PLA2G5: variants seen among roughly 807,000 people sequenced by gnomAD.
The protein encoded by PLA2G5 is Ca2+-dependent phospholipase A2.
Under a neutral mutation model 15.9 loss-of-function variants are expected in PLA2G5, and 12 were observed. The observed-to-expected ratio is 0.76, with a 90% CI of 0.48 to 1.23. The LOEUF is 1.23. PLA2G5 is among the 50% of genes most tolerant of loss of function. PLA2G5 has a pLI of 0.00. For synonymous variants in PLA2G5, 71 were observed against 71.4 expected, an observed-to-expected ratio of 0.99 and a Z score of 0.03; for missense variants, 169 against 177.1, an observed-to-expected ratio of 0.95 and a Z score of 0.26.
chr1:20,035,722 A>G (rs79987026), intron 1 of PLA2G5, among the ~76,000 whole-genome samples: 4 of 152,320 alleles, frequency 2.6e-5, no homozygotes, highest in South Asian at 2.1e-4. Context: ...TAAACATTCA[A>G]TGTGAGTATT....
chr1:20,073,270 A>G (rs1378265364), intron 1 of PLA2G5, among the ~76,000 whole-genome samples: 2 of 152,252 alleles, frequency 1.3e-5, no homozygotes, highest in African/African-American at 4.8e-5. Context: ...ATTTCTTAAG[A>G]GTGAACAGTT....
rs1022046785 is a variant in PLA2G5 at position 20,091,610 on chromosome 1, A to T, written c.*918A>T. 4.6e-5 allele frequency among the ~76,000 whole-genome samples: 7 copies of T among 152,280 alleles called. No homozygotes were observed. In the East Asian group the frequency reaches 1.4e-3, roughly 29 times the overall value. ...ATATGGAGAATGCTGAGGTTCTAGGATTTCACACAGCAGGAATTTTTTTTT... is the reference window on the plus strand; with the variant it reads ...ATATGGAGAATGCTGAGGTTCTAGGTTTTCACACAGCAGGAATTTTTTTTT... On this transcript the variant is annotated 3_prime_UTR_variant, in exon 5 of 5. Transcript: ENST00000375108.
rs1435072565 is a variant in PLA2G5 at position 20,084,868 on chromosome 1, G to A, written c.38G>A (p.Cys13Tyr). 6.2e-7 allele frequency: 1 copy of A among 1,607,354 alleles called. No individual in the cohort carries two copies. Among genetic ancestry groups the A allele is most frequent in the Non-Finnish European group, 8.5e-7 (1 of 1,173,922 alleles). Residue 13 changes from cysteine to tyrosine, a missense_variant and splice_region_variant, in exon 2 of 5, where the codon TGT becomes TAT. Physicochemically the swap from Cys to Tyr is radical, Grantham distance 194. Transcript: ENST00000375108. The part of the protein sequence containing the change: ...GLLPLAWFLA[C>Y]SVPAVQGGLL... ...CTCCCACTGGCTTGGTTCCTGGCTT[G>A]TAGTAAGTGCTGGCCCCGTGACCTT...
chr1:20,058,097 C>T (rs2014527151), intron 1 of PLA2G5, among the ~76,000 whole-genome samples: 1 of 152,114 alleles, frequency 6.6e-6, no homozygotes, highest in Admixed American at 6.6e-5. Flanking sequence ...AATGTGTATT[C>T]TACTGTTGTT....
chr1:20,071,308 T>C (rs515156), intron 1 of PLA2G5, among the ~76,000 whole-genome samples: 85,419 of 152,008 alleles, frequency 0.56, 24,119 homozygotes, highest in Middle Eastern at 0.71. Flanking sequence ...TTTCCTAGGA[T>C]CCAATCTGTG....
chr1:20,038,220 G>T (rs1048537449), intron 1 of PLA2G5, among the ~76,000 whole-genome samples: 9 of 152,088 alleles, frequency 5.9e-5, no homozygotes, highest in Non-Finnish European at 1.0e-4. Context: ...GCCCTTCCCT[G>T]ACTGCGGTGG....
upstream of PLA2G5, among the ~76,000 whole-genome samples, chr1:20,066,586 C>G (rs555428142): frequency 2.6e-5 from 4 of 152,298 alleles, no homozygotes; most frequent in East Asian, 7.7e-4. Flanking sequence ...ACGACTGCCT[C>G]CTATGAACTT....
At chr1:20,087,668 A>T (rs2100634543) in intron 3 of PLA2G5, among the ~76,000 whole-genome samples, 1 of 152,302 alleles carries the variant, frequency 6.6e-6, no homozygotes, top group East Asian at 1.9e-4. Flanking sequence ...CTTCAATAGA[A>T]GGCCCCTTCC....
At chr1:20,068,755 G>A (rs1319810291), upstream of PLA2G5, 1 of 350,318 alleles carries the variant, frequency 2.9e-6, no homozygotes, top group Non-Finnish European at 5.3e-6. Flanking sequence ...CCGGCCAAAA[G>A]TTTTTATATT....
At chr1:20,085,466 G>A (rs901325217) in intron 2 of PLA2G5, among the ~76,000 whole-genome samples, 19 of 152,124 alleles carry the variant, frequency 1.2e-4, no homozygotes, top group African/African-American at 4.6e-4. Context: ...TGAAACCCTG[G>A]ACAGGGCACC....
At chr1:20,029,019 A>C (rs191414178) in intron 1 of PLA2G5, among the ~76,000 whole-genome samples, 7 of 152,298 alleles carry the variant, frequency 4.6e-5, no homozygotes. Flanking sequence ...TAGTTTAGGC[A>C]TTTATAGGCG....
rs191893279 is a variant in PLA2G5 at position 20,046,514 on chromosome 1, A to G, written n.277-13118A>G. ...CCTTCCCTCTCTTGCCATCTGCAGCATCAAAAATCTAGAAAAGGCTTTTAA... is the reference window on the plus strand; with the variant it reads ...CCTTCCCTCTCTTGCCATCTGCAGCGTCAAAAATCTAGAAAAGGCTTTTAA... On this transcript the variant is annotated intron_variant and non_coding_transcript_variant, in intron 1 of 6. Transcript: ENST00000460175. Among the ~76,000 whole-genome samples, 350 of 152,324 alleles carry G rather than the reference A, an allele frequency of 2.3e-3. 1 individual carries two copies. Among genetic ancestry groups the G allele is most frequent in the African/African-American group, 8.2e-3 (341 of 41,578 alleles).
chr1:20,072,720 A>G (rs553666366), intron 1 of PLA2G5, among the ~76,000 whole-genome samples: 44 of 152,258 alleles, frequency 2.9e-4, no homozygotes, highest in African/African-American at 9.1e-4. Context: ...TGACCCAGGA[A>G]AAAAGGAGGA....
chr1:20,083,195 C>A (rs2100606960), intron 1 of PLA2G5, among the ~76,000 whole-genome samples: 1 of 151,982 alleles, frequency 6.6e-6, no homozygotes, highest in South Asian at 2.1e-4. Flanking sequence ...GTGGACAGAA[C>A]CCTCAGGAAT....
intron 1 of PLA2G5, among the ~76,000 whole-genome samples, chr1:20,046,868 G>T (rs2013931070): frequency 6.6e-6 from 1 of 152,124 alleles, no homozygotes; most frequent in Non-Finnish European, 1.5e-5. Context: ...ATTCTAGTTT[G>T]GAGATACATT....
At chr1:20,053,837 G>A (rs1465967980) in intron 1 of PLA2G5, among the ~76,000 whole-genome samples, 1 of 152,168 alleles carries the variant, frequency 6.6e-6, no homozygotes, top group African/African-American at 2.4e-5. Flanking sequence ...TTGACTCTTT[G>A]TGTTGTATAT....
intron 1 of PLA2G5, among the ~76,000 whole-genome samples, chr1:20,031,496 G>T (rs2012937513): frequency 6.6e-6 from 1 of 152,160 alleles, no homozygotes; most frequent in South Asian, 2.1e-4. Context: ...GGTCTATCCA[G>T]GGATGTGGGG....
chr1:20,071,894 G>A lies in PLA2G5; in HGVS notation c.-11+1429G>A, dbSNP rs1357032857. ...AGGCCGACGTGGGTGGATCACTTGAGGCCAGGAGATCGAGACCAATCTGGC... is the reference window on the plus strand; with the variant it reads ...AGGCCGACGTGGGTGGATCACTTGAAGCCAGGAGATCGAGACCAATCTGGC... On this transcript the variant is annotated intron_variant, in intron 1 of 4. Transcript: ENST00000375108. Among the ~76,000 whole-genome samples the A allele has an allele frequency of 3.3e-5, 5 of 152,216 alleles. No homozygotes were observed. In the East Asian group the frequency reaches 9.7e-4, roughly 29 times the overall value.
intron 2 of PLA2G5, among the ~76,000 whole-genome samples, chr1:20,065,179 C>T (rs980372348): frequency 2.6e-5 from 4 of 151,942 alleles, no homozygotes; most frequent in South Asian, 2.1e-4. Flanking sequence ...TCCCATATAC[C>T]GCCCCCTTAT....
Sources: gnomAD v4.1 joint callset for allele counts (sites outside exome capture counted in the v4.1 genomes callset) on GRCh38, gnomAD v4.1.1 for gene constraint, MANE v1.5 for transcripts, NCBI Gene and HGNC (gene_info 2026-07-23, HGNC 2026-07-21) for gene names.